The following PATJ variants were observed in gnomAD, a reference collection of about 807,000 sequenced individuals.
PATJ encodes PATJ crumbs cell polarity complex component.
In PATJ, 190 loss-of-function variants were observed where a neutral mutation model predicts 224.9. The ratio of observed to expected loss-of-function variants is 0.84; its 90% CI spans 0.75 to 0.95. The LOEUF (loss-of-function observed/expected upper bound fraction) is 0.95, where lower values mean the gene tolerates loss of function less well. PATJ is among the 40% of genes least tolerant of loss of function. The probability of loss-of-function intolerance (pLI) is 0.00; values close to 1 mark genes in which losing one functional copy is unlikely to be tolerated. For missense variants in PATJ, 2,121 were observed against 2,270.3 expected (o/e 0.93, Z 1.34); for synonymous variants, 769 against 820.3 (o/e 0.94, Z 1.07).
At chr1:61,835,761 TG>T (rs1456328425) in intron 17 of PATJ, among the ~76,000 whole-genome samples, 1 of 152,048 alleles carries the variant, frequency 6.6e-6, no homozygotes, top group Non-Finnish European at 1.5e-5. Context: ...ATTTGAGGCA[TG>T]AGCCACCATG....
In PATJ at chr1:62,100,531, G is replaced by T. The variant is rs577840424; in HGVS notation, c.4378-7906G>T. 5.3e-5 allele frequency: 32 copies of T among 605,136 alleles called. No individual in the cohort carries two copies. In the South Asian group the frequency reaches 6.2e-4, roughly 12 times the overall value. 37.5% of individuals were successfully genotyped at this position (605,136 alleles called of 1,614,324 possible). A position where few individuals can be genotyped will look rare whatever the true frequency, so the allele number is the denominator to read the frequency against. On this transcript the variant is annotated intron_variant, in intron 33 of 43. Coordinates refer to ENST00000642238, the MANE Select transcript of PATJ (RefSeq NM_001350145.3). ...CTCATTACCCAATCACGCCTTAAAG[G>T]TCTCACCTCTTAATACTGTCACAAT...
At position 62,106,142 on chromosome 1, in the gene PATJ, A is replaced by G. The variant is rs797006959; in HGVS notation, c.4378-2295A>G. Among the ~76,000 whole-genome samples the G allele has an allele frequency of 4.8e-3, 308 of 63,850 alleles. 7 individuals are homozygous for G. The highest frequency in any genetic ancestry group is 0.012 in the South Asian group (17 of 1,370). The allele number at this position is 63,850 out of a possible 152,430, so 41.9% of individuals were successfully genotyped here. On this transcript the variant is annotated intron_variant, in intron 33 of 43. Coordinates refer to ENST00000642238, the MANE Select transcript of PATJ (RefSeq NM_001350145.3). ...CACAAACACACATATATACATGTGT[A>G]TATGTGTGTGTGTGTGTATATATAT...
intron 20 of PATJ, among the ~76,000 whole-genome samples, chr1:61,873,875 C>G (rs538997782): frequency 6.6e-6 from 1 of 152,292 alleles, no homozygotes; most frequent in East Asian, 1.9e-4. Context: ...AGGGGAGGAG[C>G]CTGGCCTCTT....
chr1:61,869,263 C>T (rs548644334), intron 20 of PATJ, among the ~76,000 whole-genome samples: 26 of 150,762 alleles, frequency 1.7e-4, no homozygotes, highest in East Asian at 3.9e-4. Context: ...CCCGCCACTA[C>T]GCCCGGCTAA....
In PATJ at chr1:61,990,228, A is replaced by T; in HGVS notation, c.3731A>T (p.Lys1244Ile). 6.2e-7 allele frequency: 1 copy of T among 1,613,870 alleles called. No individual in the cohort carries two copies. Among genetic ancestry groups the T allele is most frequent in the African/African-American group, 1.3e-5 (1 of 75,062 alleles). ...PGELHIIELE[K>I]DKNGLGLSLA... ...GAACTGCACATTATTGAACTTGAAA[A>T]AGATAAGAATGGACTTGGACTCAGC... The change falls in exon 28 of 44, where the codon AAA (lysine) becomes ATA (isoleucine). Residue 1244 changes from lysine (K) to isoleucine (I), a missense_variant. Transcript: ENST00000642238.
intron 26 of PATJ, among the ~76,000 whole-genome samples, chr1:61,916,318 A>G (rs1291057282): frequency 1.3e-5 from 2 of 152,114 alleles, no homozygotes. Context: ...ATGTGTGTAT[A>G]TATGATATTT....
intron 41 of PATJ, among the ~76,000 whole-genome samples, chr1:62,133,158 G>A (rs1308036794): frequency 1.4e-5 from 2 of 141,578 alleles, no homozygotes; most frequent in Non-Finnish European, 1.5e-5. Context: ...ATATTATTTA[G>A]CTTATTCTTT....
At chr1:61,753,589 A>G (rs1645453250) in intron 1 of PATJ, among the ~76,000 whole-genome samples, 1 of 151,690 alleles carries the variant, frequency 6.6e-6, no homozygotes, top group African/African-American at 2.4e-5. Context: ...GGCTCACTGC[A>G]ACCTCCGCCT....
At chr1:62,039,924 G>T (rs543389403) in intron 30 of PATJ, among the ~76,000 whole-genome samples, 1 of 151,858 alleles carries the variant, frequency 6.6e-6, no homozygotes, top group East Asian at 1.9e-4. Flanking sequence ...ATCTCTCGAG[G>T]CAGTCTCCTG....
At chr1:61,890,503 T>C (rs1290398459) in intron 22 of PATJ, among the ~76,000 whole-genome samples, 1 of 151,980 alleles carries the variant, frequency 6.6e-6, no homozygotes, top group African/African-American at 2.4e-5. Flanking sequence ...TTTTTTTTCC[T>C]TCTTCTTCTT....
At chr1:62,119,122 A>T (rs868246640) in intron 37 of PATJ, among the ~76,000 whole-genome samples, 35 of 152,284 alleles carry the variant, frequency 2.3e-4, no homozygotes, top group African/African-American at 8.2e-4. Flanking sequence ...ACAGAATTTT[A>T]ATTTCAGAGG....
intron 27 of PATJ, among the ~76,000 whole-genome samples, chr1:61,943,581 G>A (rs935240183): frequency 1.5e-4 from 23 of 152,128 alleles, no homozygotes; most frequent in African/African-American, 4.1e-4. Flanking sequence ...AAATGAAGCC[G>A]CCGGGAAGCT....
chr1:62,146,814 A>C lies in PATJ; in HGVS notation c.5272-1470A>C, dbSNP rs1668085805. ...AATAAAAATAAATTTAAAAAAAAGAAAAACCAATAGAATTTCATGAGGATG... is the reference window on the plus strand; with the variant it reads ...AATAAAAATAAATTTAAAAAAAAGACAAACCAATAGAATTTCATGAGGATG... On this transcript the variant is annotated intron_variant, in intron 41 of 43. Transcript: ENST00000642238. Among the ~76,000 whole-genome samples, 7 of 152,096 alleles carry C rather than the reference A, an allele frequency of 4.6e-5. No individual in the cohort carries two copies. In the South Asian group the frequency reaches 1.5e-3, roughly 32 times the overall value.
intron 27 of PATJ, among the ~76,000 whole-genome samples, chr1:61,940,827 G>A (rs1677709103): frequency 6.6e-6 from 1 of 151,892 alleles, no homozygotes; most frequent in Non-Finnish European, 1.5e-5. Flanking sequence ...TTGGAAGTCA[G>A]TTTTTTTAAG....
intron 11 of PATJ, 76 bp downstream of exon 11, chr1:61,797,504 A>C: frequency 7.8e-7 from 1 of 1,288,364 alleles, no homozygotes; most frequent in African/African-American, 1.5e-5. Flanking sequence ...AAGTTGCTCC[A>C]TGAGTCTCAG....
intron 24 of PATJ, among the ~76,000 whole-genome samples, chr1:61,906,682 T>C (rs1342214197): frequency 6.6e-6 from 1 of 152,214 alleles, no homozygotes; most frequent in African/African-American, 2.4e-5. Context: ...TCCTCTTTCC[T>C]TTCACTGAAC....
chr1:62,117,230 C>T lies in PATJ; in HGVS notation c.4890+12C>T, dbSNP rs768110119. On this transcript the variant is annotated intron_variant, in intron 37 of 43. Transcript: ENST00000642238. ...CACAGAACAGTCAGGTTGTCGATGG[C>T]TTCTCATCAGACTGACTCACTCTTC... The T allele has an allele frequency of 1.4e-5, 22 of 1,613,746 alleles. No individual in the cohort carries two copies. The East Asian group carries it at 4.5e-4, about 33-fold the overall frequency.
intron 17 of PATJ, among the ~76,000 whole-genome samples, chr1:61,850,624 T>G (rs1057015574): frequency 6.6e-6 from 1 of 152,256 alleles, no homozygotes; most frequent in African/African-American, 2.4e-5. Context: ...CAACATTTCA[T>G]TCATTTAGCA....
At chr1:61,765,906 G>A (rs1441584227) in intron 3 of PATJ, among the ~76,000 whole-genome samples, 1 of 152,130 alleles carries the variant, frequency 6.6e-6, no homozygotes, top group Non-Finnish European at 1.5e-5. Context: ...ACTACCTGTG[G>A]ATCTTTTGTT....
Sources: allele counts gnomAD v4.1 joint callset (sites outside exome capture counted in the v4.1 genomes callset), GRCh38; gene constraint gnomAD v4.1.1; transcripts MANE v1.5; gene names NCBI Gene and HGNC (gene_info 2026-07-23, HGNC 2026-07-21).